RAB39A: variants seen among roughly 807,000 people sequenced by gnomAD.
RAB39A encodes the protein ras-related protein Rab-39A.
RAB39A carries 17 observed loss-of-function variants against 20.9 expected under a neutral mutation model. The ratio of observed to expected loss-of-function variants is 0.81; its 90% CI spans 0.56 to 1.22. The LOEUF is 1.22. RAB39A is among the 50% of genes most tolerant of loss of function. The pLI is 0.00. For missense variants in RAB39A, 234 were observed against 270.5 expected (o/e 0.87, Z 0.95); for synonymous variants, 99 against 103.4 (o/e 0.96, Z 0.26).
rs1490684830 is a variant in RAB39A at position 107,928,618 on chromosome 11, C to G, written c.50C>G (p.Ser17Cys). ...TTCCGCCTCATCGTGATCGGGGACT[C>G]CACCGTGGGCAAGTCCTGCCTCCTG... is the stretch of plus-strand genomic sequence containing the variant. Reference protein sequence around the residue: ...YQFRLIVIGDSTVGKSCLLHR... With the variant: ...YQFRLIVIGDCTVGKSCLLHR... The change falls in exon 1 of 2, where the codon TCC (serine) becomes TGC (cysteine). Residue 17 changes from serine (S) to cysteine (C), a missense_variant. By Grantham distance (112) the Ser-to-Cys change is moderately radical. Coordinates refer to ENST00000320578, the MANE Select transcript of RAB39A (RefSeq NM_017516.3). This position sits in a 1 kb window ranked among gnomAD's most constrained non-coding sequence, Gnocchi z 4.9. 6.2e-7 allele frequency: 1 copy of G among 1,600,794 alleles called. No individual in the cohort carries two copies. The highest frequency in any genetic ancestry group is 8.5e-7 in the Non-Finnish European group (1 of 1,170,284).
At chr11:107,946,430 GTGTGTGTATA>G (rs1299859791) in intron 1 of RAB39A, among the ~76,000 whole-genome samples, 367 of 23,230 alleles carry the variant, frequency 0.016, 2 homozygotes, top group East Asian at 0.058. Flanking sequence ...GTGTGTGTGT[GTGTGTGTATA>G]TATATATATA....
At chr11:107,933,042 A>G (rs916137755) in intron 1 of RAB39A, among the ~76,000 whole-genome samples, 2 of 152,136 alleles carry the variant, frequency 1.3e-5, no homozygotes, top group African/African-American at 4.8e-5. Flanking sequence ...AAGGATAACT[A>G]TATTGGAAGA....
chr11:107,960,800 C>T (rs1329223448), intron 1 of RAB39A, among the ~76,000 whole-genome samples: 2 of 152,144 alleles, frequency 1.3e-5, no homozygotes, highest in Non-Finnish European at 2.9e-5. Context: ...TGACTAGAAG[C>T]AGAGGAATAC....
At chr11:107,943,372 C>T (rs1033241531) in intron 1 of RAB39A, among the ~76,000 whole-genome samples, 3 of 151,868 alleles carry the variant, frequency 2.0e-5, no homozygotes, top group African/African-American at 7.3e-5. Context: ...GAGATTGAGA[C>T]CATCCTGGCT....
At chr11:107,931,863 CT>C (rs35328521) in intron 1 of RAB39A, among the ~76,000 whole-genome samples, 2,093 of 118,026 alleles carry the variant, frequency 0.018, 26 homozygotes, top group African/African-American at 0.049. Flanking sequence ...TTCTTTCCTT[CT>C]TTTTTTTTTT....
At position 107,962,538 on chromosome 11, in the gene RAB39A, CACT is replaced by C; in HGVS notation, c.*171_*173del. ...TTCAGAGCATGATGCTTACTTGTTA[CACT>C]ACTAGATTGGGTATTTTGCTAAATT... On this transcript the variant is annotated 3_prime_UTR_variant, in exon 2 of 2. Transcript: ENST00000320578. 1 of 636,976 alleles carries C rather than the reference CACT, an allele frequency of 1.6e-6. No homozygotes were observed. The highest frequency in any genetic ancestry group is 2.5e-6 in the Non-Finnish European group (1 of 397,518). 39.5% of individuals were successfully genotyped at this position (636,976 alleles called of 1,614,324 possible). A position where few individuals can be genotyped will look rare whatever the true frequency, so the allele number is the denominator to read the frequency against.
chr11:107,939,948 G>A (rs941282354), intron 1 of RAB39A, among the ~76,000 whole-genome samples: 3 of 152,150 alleles, frequency 2.0e-5, no homozygotes, highest in African/African-American at 7.2e-5. Context: ...TACTCAGTCC[G>A]AGAGATGAAA....
intron 1 of RAB39A, among the ~76,000 whole-genome samples, chr11:107,937,019 G>A (rs1185934306): frequency 3.3e-5 from 5 of 152,098 alleles, no homozygotes; most frequent in Non-Finnish European, 5.9e-5. Flanking sequence ...AATCACTGCA[G>A]TCTACTGTAG....
intron 1 of RAB39A, among the ~76,000 whole-genome samples, chr11:107,934,739 CA>C (rs67218872): frequency 1 from 152,034 of 152,034 alleles, 76,017 homozygotes; most frequent in Non-Finnish European, 1. Flanking sequence ...CCAGCCTGGC[CA>C]AACATGGTGA....
chr11:107,928,546 G>A lies in RAB39A; in HGVS notation c.-23G>A. On this transcript the variant is annotated 5_prime_UTR_variant, in exon 1 of 2. Transcript: ENST00000320578. This position sits in a 1 kb window ranked among gnomAD's most constrained non-coding sequence, Gnocchi z 4.9. ...CTTAGCCCGCGGGTGGGGCGGCCCG[G>A]GAGCCAGCGGGGCACGTGAGCGATG... 2.1e-6 allele frequency: 3 copies of A among 1,430,534 alleles called. No individual in the cohort carries two copies. Among genetic ancestry groups the A allele is most frequent in the Non-Finnish European group, 2.8e-6 (3 of 1,072,826 alleles). The allele number at this position is 1,430,534 out of a possible 1,614,324, so 88.6% of individuals were successfully genotyped here. A position where few individuals can be genotyped will look rare whatever the true frequency, so the allele number is the denominator to read the frequency against.
At chr11:107,943,183 T>C (rs1565463435) in intron 1 of RAB39A, among the ~76,000 whole-genome samples, 1 of 152,166 alleles carries the variant, frequency 6.6e-6, no homozygotes, top group African/African-American at 2.4e-5. Context: ...GCTGGGCACA[T>C]ACTGAATGTG....
In RAB39A at chr11:107,962,277, C is replaced by CA. The variant is rs747510652; in HGVS notation, c.560dup (p.Asp188GlyfsTer7). 1.9e-6 allele frequency: 3 copies of CA among 1,613,744 alleles called. No individual in the cohort carries two copies. In the Admixed American group the frequency reaches 5.0e-5, roughly 27 times the overall value. The stretch of plus-strand genomic sequence containing the variant: ...TATTAAAAAGGGAGAAATTTGTATT[C>CA]AGGATGGCTGGGAAGGGGTTAAAAG... On this transcript the variant is annotated frameshift_variant, in exon 2 of 2. Coordinates refer to ENST00000320578, the MANE Select transcript of RAB39A (RefSeq NM_017516.3). LOFTEE classifies it high-confidence loss of function.
chr11:107,943,396 C>G (rs1861279077), intron 1 of RAB39A, among the ~76,000 whole-genome samples: 1 of 151,776 alleles, frequency 6.6e-6, no homozygotes, highest in South Asian at 2.1e-4. Context: ...ACGGTGAAAC[C>G]CTGACTCTAC....
At chr11:107,938,677 A>G (rs1489904258) in intron 1 of RAB39A, among the ~76,000 whole-genome samples, 1 of 151,014 alleles carries the variant, frequency 6.6e-6, no homozygotes, top group Non-Finnish European at 1.5e-5. Flanking sequence ...TCGAGGCTGC[A>G]GTGAGCCATG....
At chr11:107,961,885 T>C (rs1052387116) in intron 1 of RAB39A, 61 bp from the exon 2 acceptor site, 6 of 1,284,126 alleles carry the variant, frequency 4.7e-6, no homozygotes, top group Admixed American at 4.2e-5. Flanking sequence ...GCTAGATTGT[T>C]GGAAGGAGAA....
intron 1 of RAB39A, among the ~76,000 whole-genome samples, chr11:107,934,360 G>A (rs959597629): frequency 1.3e-5 from 2 of 152,136 alleles, no homozygotes; most frequent in Non-Finnish European, 2.9e-5. Flanking sequence ...TTTGAGCCCA[G>A]GAGGTCGAGG....
intron 1 of RAB39A, among the ~76,000 whole-genome samples, chr11:107,960,380 G>T (rs986346451): frequency 4.6e-5 from 7 of 152,214 alleles, no homozygotes; most frequent in African/African-American, 1.7e-4. Context: ...ACCTAAGAAA[G>T]AGGTGAGTGG....
chr11:107,948,045 G>A (rs1339487091), intron 1 of RAB39A, among the ~76,000 whole-genome samples: 3 of 151,758 alleles, frequency 2.0e-5, no homozygotes, highest in Non-Finnish European at 4.4e-5. Context: ...ACAAGGAACA[G>A]CTCTATCTCT....
Position 107,962,420 on chromosome 11 carries a change from A to G in RAB39A, c.*48A>G. The G allele has an allele frequency of 1.3e-6, 2 of 1,491,188 alleles. No homozygotes were observed. The highest frequency in any genetic ancestry group is 1.8e-6 in the Non-Finnish European group (2 of 1,101,124). The allele number at this position is 1,491,188 out of a possible 1,614,324, so 92.4% of individuals were successfully genotyped here. ...ACAGGAACAGATTGGGTGTCAGTTC[A>G]GGATAAATACCAACATTAACAGCAG... is the stretch of plus-strand genomic sequence containing the variant. On this transcript the variant is annotated 3_prime_UTR_variant, in exon 2 of 2. Coordinates refer to ENST00000320578, the MANE Select transcript of RAB39A (RefSeq NM_017516.3).
Sources: allele counts gnomAD v4.1 joint callset (sites outside exome capture counted in the v4.1 genomes callset), GRCh38; gene constraint gnomAD v4.1.1; non-coding constraint Gnocchi (gnomAD v3.1); transcripts MANE v1.5; gene names NCBI Gene and HGNC (gene_info 2026-07-23, HGNC 2026-07-21).